Variants in GATA2 observed in about 807,000 individuals in gnomAD.
GATA2 encodes the protein GATA binding protein 2.
A neutral mutation model predicts 35.7 loss-of-function variants in GATA2; 6 were observed. The ratio of observed to expected loss-of-function variants is 0.17; its 90% CI spans 0.09 to 0.33. The LOEUF (loss-of-function observed/expected upper bound fraction) is 0.33, where lower values mean the gene tolerates loss of function less well. Ranked by LOEUF, GATA2 falls within the 10% of genes least tolerant of loss-of-function variation. The pLI is 1.00. For synonymous variants in GATA2, 313 were observed against 274.9 expected, an observed-to-expected ratio of 1.14 and a Z score of -1.37; for missense variants, 541 against 656.6, an observed-to-expected ratio of 0.82 and a Z score of 1.92.
chr3:128,486,677 C>A, intron 2 of GATA2, 126 bp downstream of exon 2: 1 of 1,047,032 alleles, frequency 9.6e-7, no homozygotes, highest in Non-Finnish European at 1.4e-6. Flanking sequence ...ACCTCTCCCG[C>A]CCCAATTTTT....
chr3:128,484,636 G>GT (rs149279012), intron 3 of GATA2, among the ~76,000 whole-genome samples: 47 of 142,002 alleles, frequency 3.3e-4, no homozygotes, highest in South Asian at 7.1e-4. Flanking sequence ...AGTGGCCTGG[G>GT]TTTTTTTTGT....
At chr3:128,492,553 G>A (rs1280269472) in intron 1 of GATA2, among the ~76,000 whole-genome samples, 1 of 152,198 alleles carries the variant, frequency 6.6e-6, no homozygotes, top group East Asian at 1.9e-4. Context: ...GGACGCATCC[G>A]CCGCGGTGGC....
At chr3:128,485,642 C>G (rs1478714642) in intron 3 of GATA2, 85 bp downstream of exon 3, 3 of 1,505,696 alleles carry the variant, frequency 2.0e-6, no homozygotes, top group Non-Finnish European at 2.7e-6. Context: ...GAAACCAACA[C>G]TGCCACCTCT....
Position 128,481,009 on chromosome 3 carries a change from C to A in GATA2, c.*10G>T. The A allele has an allele frequency of 6.4e-7, 1 of 1,555,400 alleles. No individual in the cohort carries two copies. The highest frequency in any genetic ancestry group is 8.7e-7 in the Non-Finnish European group (1 of 1,149,176). ...CCGGGAGTGCCCGGTCCTCGACGTC[C>A]ATCTGTTCCCTAGCCCATGGCGGTC... On this transcript the variant is annotated 3_prime_UTR_variant, in exon 6 of 6. Coordinates refer to ENST00000341105, the MANE Select transcript of GATA2 (RefSeq NM_032638.5).
chr3:128,486,820 G>A lies in GATA2; in HGVS notation c.212C>T (p.Ser71Phe). The change falls in exon 2 of 6, where the codon TCC becomes TTC. Residue 71 changes from serine to phenylalanine, a missense_variant. By Grantham distance (155) the Ser-to-Phe change is radical. Coordinates refer to ENST00000341105, the MANE Select transcript of GATA2 (RefSeq NM_032638.5). The part of the protein sequence containing the change: ...ANPAHARARV[S>F]YSPAHARLTG... ...GTGCTCACCGTGCGCGGGGCTGTAG[G>A]AGACGCGCGCCCGCGCGTGAGCGGG... 1 of 1,608,056 alleles carries A rather than the reference G, an allele frequency of 6.2e-7. No homozygotes were observed. The highest frequency in any genetic ancestry group is 8.5e-7 in the Non-Finnish European group (1 of 1,178,086).
intron 5 of GATA2, among the ~76,000 whole-genome samples, 164 bp downstream of exon 5, chr3:128,481,655 A>C (rs1356440565): frequency 2.6e-5 from 4 of 152,020 alleles, no homozygotes; most frequent in Non-Finnish European, 5.9e-5. Flanking sequence ...TCCTGAGCAG[A>C]GGCAAGGCAC....
At chr3:128,484,279 G>A (rs1270116607) in intron 3 of GATA2, among the ~76,000 whole-genome samples, 1 of 152,020 alleles carries the variant, frequency 6.6e-6, no homozygotes, top group Non-Finnish European at 1.5e-5. Context: ...GAGGGGCCCA[G>A]GGCCCCAGGC....
chr3:128,486,341 C>A lies in GATA2; in HGVS notation c.257G>T (p.Arg86Leu). The A allele has an allele frequency of 1.2e-6, 2 of 1,602,000 alleles. No individual in the cohort carries two copies. Among genetic ancestry groups the A allele is most frequent in the Non-Finnish European group, 1.7e-6 (2 of 1,177,438 alleles). Reference protein sequence around the residue: ...HARLTGGQMCRPHLLHSPGLP... With the variant: ...HARLTGGQMCLPHLLHSPGLP... Reference sequence around the variant, plus strand: ...ACCCGGGCTGTGCAACAAGTGTGGGCGGCACATCTGGCCTCCGGTCAGGCG... The same window carrying A: ...ACCCGGGCTGTGCAACAAGTGTGGGAGGCACATCTGGCCTCCGGTCAGGCG... Residue 86 changes from arginine to leucine, a missense_variant, in exon 3 of 6, where the codon CGC (arginine) becomes CTC (leucine). Around this residue, in one of 5 missense-constraint regions of GATA2, gnomAD observed 389 missense variants for 396.9 expected, o/e 0.98. Coordinates refer to ENST00000341105, the MANE Select transcript of GATA2 (RefSeq NM_032638.5).
chr3:128,486,466 A>G (rs1232524001), intron 2 of GATA2, 98 bp from the exon 3 acceptor site: 2 of 1,429,868 alleles, frequency 1.4e-6, no homozygotes, highest in African/African-American at 2.8e-5. Context: ...GACTCCCAGA[A>G]CCAGCAGTCA....
At chr3:128,481,984 G>A (rs771100142) in intron 4 of GATA2, 40 bp from the exon 5 acceptor site, 27 of 1,608,238 alleles carry the variant, frequency 1.7e-5, no homozygotes, top group African/African-American at 5.3e-5. Context: ...GGACTCCCAC[G>A]CCCACCTCGA....
rs1576748260 is a variant in GATA2, at chr3:128,485,666, T to A, written c.871+61A>T. 5 of 1,575,474 alleles carry A rather than the reference T, an allele frequency of 3.2e-6. No individual in the cohort carries two copies. The Admixed American group carries it at 8.9e-5, about 28-fold the overall frequency. ...ACTGCCACCTCTCCCAAGTCACAGC[T>A]CCCCACCACAAAAACGCAAATGCTC... On this transcript the variant is annotated intron_variant, in intron 3 of 5. Transcript: ENST00000341105.
intron 3 of GATA2, among the ~76,000 whole-genome samples, chr3:128,484,407 C>T (rs1027915229): frequency 2.0e-5 from 3 of 152,150 alleles, no homozygotes; most frequent in Non-Finnish European, 4.4e-5. Flanking sequence ...CGCTCTGGCG[C>T]GTCTCTCCCC....
rs1035159354 is a variant in GATA2, at chr3:128,480,880, G to C, written c.*139C>G. 9.8e-5 allele frequency: 93 copies of C among 950,394 alleles called. No individual in the cohort carries two copies. Among genetic ancestry groups the C allele is most frequent in the Non-Finnish European group, 1.2e-4 (77 of 648,846 alleles). The allele number at this position is 950,394 out of a possible 1,614,324, so 58.9% of individuals were successfully genotyped here. A position where few individuals can be genotyped will look rare whatever the true frequency, so the allele number is the denominator to read the frequency against. ...CATTCACAGTAACTGCTGGCAGGCT[G>C]CTGGGCGCCCTCCAGGAGAGGGGGT... On this transcript the variant is annotated 3_prime_UTR_variant, in exon 6 of 6. Coordinates refer to ENST00000341105, the MANE Select transcript of GATA2 (RefSeq NM_032638.5).
chr3:128,486,221 A>T lies in GATA2; in HGVS notation c.377T>A (p.Leu126Gln). ...WTVSPFSKTP[L>Q]HPSAAGGPGG... ...AGGGCCTCCAGCAGCTGAGGGGTGC[A>T]GTGGCGTCTTGGAGAAGGGGCTCAC... The change falls in exon 3 of 6, where the codon CTG becomes CAG. Residue 126 changes from leucine (L) to glutamine (Q), a missense_variant. By Grantham distance (113) the Leu-to-Gln change is moderately radical (BLOSUM62 -2). This residue lies in a region of GATA2 where 389 missense variants were observed against 396.9 expected (regional missense o/e 0.98). Coordinates refer to ENST00000341105, the MANE Select transcript of GATA2 (RefSeq NM_032638.5). 1.3e-6 allele frequency: 2 copies of T among 1,561,100 alleles called. No homozygotes were observed. The highest frequency in any genetic ancestry group is 1.7e-6 in the Non-Finnish European group (2 of 1,152,712).
intron 3 of GATA2, among the ~76,000 whole-genome samples, chr3:128,484,651 AT>A (rs11356859): frequency 0.37 from 56,052 of 150,084 alleles, 10,594 homozygotes; most frequent in South Asian, 0.42. Context: ...TTTTGTTTGT[AT>A]TTTTTTTTTC....
Position 128,486,220 on chromosome 3 carries a change from C to T in GATA2, c.378G>A (p.Leu126=). Residue 126 remains leucine (L), a synonymous_variant, in exon 3 of 6, where the codon CTG becomes CTA. Coordinates refer to ENST00000341105, the MANE Select transcript of GATA2 (RefSeq NM_032638.5). ...CAGGGCCTCCAGCAGCTGAGGGGTGCAGTGGCGTCTTGGAGAAGGGGCTCA... is the reference window on the plus strand; with the variant it reads ...CAGGGCCTCCAGCAGCTGAGGGGTGTAGTGGCGTCTTGGAGAAGGGGCTCA... ...WTVSPFSKTP[L]HPSAAGGPGG... 1 of 1,560,920 alleles carries T rather than the reference C, an allele frequency of 6.4e-7. No homozygotes were observed. The highest frequency in any genetic ancestry group is 1.2e-5 in the South Asian group (1 of 85,122).
rs759358236 is a variant in GATA2, at chr3:128,486,754, G to A, written c.229+49C>T. Reference sequence around the variant, plus strand: ...CAGACGGGCCCTCCTCCCCTCCCTCGCCTGGCGCGCGGCGCCTGGGTTCTC... The same window carrying A: ...CAGACGGGCCCTCCTCCCCTCCCTCACCTGGCGCGCGGCGCCTGGGTTCTC... On this transcript the variant is annotated intron_variant, in intron 2 of 5. Transcript: ENST00000341105. 9.9e-6 allele frequency: 15 copies of A among 1,518,672 alleles called. No homozygotes were observed. In the Admixed American group the frequency reaches 1.9e-4, roughly 20 times the overall value. 94.1% of individuals were successfully genotyped at this position (1,518,672 alleles called of 1,614,324 possible).
chr3:128,482,271 T>C (rs771045939), intron 4 of GATA2, among the ~76,000 whole-genome samples: 1 of 152,152 alleles, frequency 6.6e-6, no homozygotes, highest in Non-Finnish European at 1.5e-5. Flanking sequence ...TGAGAAGGGC[T>C]CTCTAGTAGC....
intron 3 of GATA2, among the ~76,000 whole-genome samples, chr3:128,485,329 C>A (rs760071437): frequency 7.2e-5 from 11 of 152,176 alleles, no homozygotes; most frequent in African/African-American, 1.7e-4. Context: ...CACAGACACA[C>A]GTATACACAT....
Sources: allele counts gnomAD v4.1 joint callset (sites outside exome capture counted in the v4.1 genomes callset), GRCh38; gene constraint gnomAD v4.1.1; regional missense constraint gnomAD v4.1.1; transcripts MANE v1.5; gene names NCBI Gene and HGNC (gene_info 2026-07-23, HGNC 2026-07-21).